NNMT: variants seen among roughly 807,000 people sequenced by gnomAD.
The protein encoded by NNMT is nicotinamide N-methyltransferase.
A neutral mutation model predicts 11.7 loss-of-function variants in NNMT; 10 were observed. That is an observed-to-expected ratio of 0.85 (90% CI 0.53 to 1.45). The LOEUF (loss-of-function observed/expected upper bound fraction) is 1.45. Among genes scored for constraint, NNMT ranks in the 40% most tolerant of loss-of-function variants. The probability of loss-of-function intolerance (pLI) is 0.00; values close to 1 mark genes in which losing one functional copy is unlikely to be tolerated. For missense variants in NNMT, 381 were observed against 319.4 expected, an observed-to-expected ratio of 1.19 and a Z score of -1.47; for synonymous variants, 143 against 133.8, an observed-to-expected ratio of 1.07 and a Z score of -0.48.
intron 1 of NNMT, among the ~76,000 whole-genome samples, chr11:114,258,474 A>T (rs1945048713): frequency 6.6e-6 from 1 of 152,206 alleles, no homozygotes; most frequent in African/African-American, 2.4e-5. Flanking sequence ...CCCTCCACTC[A>T]GCACGGCCAG....
chr11:114,294,262 C>A (rs1168839155), upstream of NNMT, among the ~76,000 whole-genome samples: 1 of 151,870 alleles, frequency 6.6e-6, no homozygotes, highest in Non-Finnish European at 1.5e-5. Context: ...GTAGGCGGAA[C>A]ACCTGAGGAG....
rs1470523076 is a variant in NNMT, at chr11:114,312,290, A to G, written c.608A>G (p.Tyr203Cys). Residue 203 changes from tyrosine to cysteine, a missense_variant, in exon 3 of 3, where the codon TAC becomes TGC. Physicochemically the swap from Tyr to Cys is radical, Grantham distance 194. Coordinates refer to ENST00000299964, the MANE Select transcript of NNMT (RefSeq NM_006169.3). Reference protein sequence around the residue: ...LVIMDALKSSYYMIGEQKFSS... With the variant: ...LVIMDALKSSCYMIGEQKFSS... ...ATCATGGATGCGCTCAAGAGCAGCTACTACATGATTGGTGAGCAGAAGTTC... is the reference window on the plus strand; with the variant it reads ...ATCATGGATGCGCTCAAGAGCAGCTGCTACATGATTGGTGAGCAGAAGTTC... 6.2e-7 allele frequency: 1 copy of G among 1,614,130 alleles called. No individual in the cohort carries two copies. The highest frequency in any genetic ancestry group is 8.5e-7 in the Non-Finnish European group (1 of 1,180,044).
chr11:114,299,304 T>A (rs1458397198), intron 2 of NNMT, among the ~76,000 whole-genome samples: 1 of 152,220 alleles, frequency 6.6e-6, no homozygotes, highest in African/African-American at 2.4e-5. Context: ...CATTCCTAGC[T>A]TTTTTGAAAT....
Position 114,312,441 on chromosome 11 carries a change from C to T in NNMT, c.759C>T (p.Phe253=), listed in dbSNP as rs1945562574. ...CCATGGCCAACAACGAAGGACTTTT[C>T]TCCCTGGTGGCGAGGAAGCTGAGCA... ...SSTMANNEGL[F]SLVARKLSRP... The change falls in exon 3 of 3, where the codon TTC becomes TTT. Residue 253 remains phenylalanine (F), a synonymous_variant. Transcript: ENST00000299964. 1 of 1,614,146 alleles carries T rather than the reference C, an allele frequency of 6.2e-7. No homozygotes were observed.
upstream of NNMT, chr11:114,296,369 G>A: frequency 1.7e-6 from 1 of 591,852 alleles, no homozygotes; most frequent in South Asian, 2.4e-5. Flanking sequence ...TCCTAGAACA[G>A]CCAGAACATT....
chr11:114,274,647 G>A (rs575245164), intron 2 of NNMT, among the ~76,000 whole-genome samples: 2 of 152,326 alleles, frequency 1.3e-5, no homozygotes, highest in African/African-American at 2.4e-5. Flanking sequence ...GAAGAAGAAA[G>A]GAAGAGTGAG....
At chr11:114,298,626 C>G (rs1945407817) in intron 2 of NNMT, among the ~76,000 whole-genome samples, 1 of 152,140 alleles carries the variant, frequency 6.6e-6, no homozygotes, top group Admixed American at 6.5e-5. Context: ...ATGCTGACAT[C>G]ACCAGATACA....
intron 2 of NNMT, among the ~76,000 whole-genome samples, chr11:114,307,625 G>A (rs986594609): frequency 6.6e-6 from 1 of 151,446 alleles, no homozygotes; most frequent in Non-Finnish European, 1.5e-5. Flanking sequence ...CTTTTGGAAT[G>A]AAAAGCAAAA....
intron 2 of NNMT, among the ~76,000 whole-genome samples, chr11:114,286,343 C>A (rs1945299686): frequency 6.6e-6 from 1 of 152,126 alleles, no homozygotes; most frequent in Admixed American, 6.5e-5. Context: ...AATGCATGAG[C>A]ACTGGTTAGC....
At chr11:114,292,533 T>A (rs1945342464), upstream of NNMT, among the ~76,000 whole-genome samples, 1 of 152,218 alleles carries the variant, frequency 6.6e-6, no homozygotes, top group African/African-American at 2.4e-5. Context: ...ATGAATCAAA[T>A]TCTTTACCAG....
intron 1 of NNMT, among the ~76,000 whole-genome samples, chr11:114,260,764 C>T (rs1408540912): frequency 6.6e-6 from 1 of 152,220 alleles, no homozygotes; most frequent in Non-Finnish European, 1.5e-5. Flanking sequence ...CACCCAGGCT[C>T]TACTCTGATG....
chr11:114,284,930 G>A (rs761401086), intron 2 of NNMT, among the ~76,000 whole-genome samples: 3 of 151,544 alleles, frequency 2.0e-5, no homozygotes, highest in African/African-American at 7.3e-5. Flanking sequence ...CCACCATGAC[G>A]GGCTAATTTT....
At chr11:114,311,923 G>A (rs1945552212) in intron 2 of NNMT, 122 bp from the exon 3 acceptor site, 17 of 957,390 alleles carry the variant, frequency 1.8e-5, no homozygotes, top group Admixed American at 2.8e-5. Flanking sequence ...CTCCTTTCCC[G>A]ATAGAGGTGG....
intron 2 of NNMT, among the ~76,000 whole-genome samples, chr11:114,266,453 G>A (rs1322031324): frequency 6.6e-6 from 1 of 151,992 alleles, no homozygotes; most frequent in Non-Finnish European, 1.5e-5. Context: ...TCTATACCCA[G>A]CCTCACTGTG....
intron 2 of NNMT, among the ~76,000 whole-genome samples, chr11:114,283,298 A>T (rs17628053): frequency 0.036 from 5,427 of 152,246 alleles, 141 homozygotes; most frequent in Admixed American, 0.078. Flanking sequence ...TAAATAAATG[A>T]GGGGTGCAAA....
intron 1 of NNMT, among the ~76,000 whole-genome samples, chr11:114,258,249 C>T (rs888844906): frequency 7.2e-5 from 11 of 152,216 alleles, no homozygotes; most frequent in Non-Finnish European, 1.6e-4. Flanking sequence ...GGACCTTAAG[C>T]GGGAGCTCCC....
chr11:114,277,468 T>G (rs1463005195), intron 2 of NNMT, among the ~76,000 whole-genome samples: 1 of 152,022 alleles, frequency 6.6e-6, no homozygotes, highest in Non-Finnish European at 1.5e-5. Context: ...TCTAACCCAG[T>G]CTGAGGCAGG....
At position 114,289,995 on chromosome 11, in the gene NNMT, G is replaced by A. The variant is rs539601934; in HGVS notation, c.-129-6433G>A. On this transcript the variant is annotated intron_variant, in intron 2 of 4. Coordinates refer to the NNMT transcript ENST00000535401. Reference sequence around the variant, plus strand: ...CTTTCTCACCGTGTCCTCATGTGGTGAAAGGGTGAATGAGCTCTCTCGGGC... The same window carrying A: ...CTTTCTCACCGTGTCCTCATGTGGTAAAAGGGTGAATGAGCTCTCTCGGGC... Among the ~76,000 whole-genome samples the A allele has an allele frequency of 1.5e-4, 23 of 152,306 alleles. No homozygotes were observed. The East Asian group carries it at 4.4e-3, about 29-fold the overall frequency.
chr11:114,296,366 AC>A (rs1945377740), upstream of NNMT: 5 of 583,650 alleles, frequency 8.6e-6, no homozygotes, highest in Non-Finnish European at 1.2e-5. Flanking sequence ...ATTTCCTAGA[AC>A]AGCCAGAACA....
Sources: gnomAD v4.1 joint callset for allele counts (sites outside exome capture counted in the v4.1 genomes callset) on GRCh38, gnomAD v4.1.1 for gene constraint, MANE v1.5 for transcripts, NCBI Gene and HGNC (gene_info 2026-07-23, HGNC 2026-07-21) for gene names.